Variants in RAB31 observed in about 807,000 individuals in gnomAD.
RAB31 encodes ras-related protein Rab-31.
A neutral mutation model predicts 25.6 loss-of-function variants in RAB31; 21 were observed. The observed-to-expected ratio is 0.82, with a 90% CI of 0.58 to 1.18. The LOEUF (loss-of-function observed/expected upper bound fraction) is 1.18, where lower values mean the gene tolerates loss of function less well. Ranked by LOEUF, RAB31 falls within the 50% of genes most tolerant of loss-of-function variation. RAB31 has a pLI of 0.00. For missense variants in RAB31, 196 were observed against 250.1 expected (o/e 0.78, Z 1.46); for synonymous variants, 87 against 84.0 (o/e 1.04, Z -0.20).
chr18:9,729,521 C>T (rs929357892), intron 1 of RAB31, among the ~76,000 whole-genome samples: 5 of 139,240 alleles, frequency 3.6e-5, no homozygotes, highest in East Asian at 2.1e-4. Context: ...AGTGAGACTC[C>T]GTCTCAAAAA....
intron 1 of RAB31, among the ~76,000 whole-genome samples, chr18:9,744,283 C>T (rs1246116697): frequency 6.6e-6 from 1 of 152,194 alleles, no homozygotes; most frequent in African/African-American, 2.4e-5. Flanking sequence ...TGCAAAATAA[C>T]TATTGCCTGT....
chr18:9,763,601 T>C (rs2068299695), intron 1 of RAB31, among the ~76,000 whole-genome samples: 1 of 11,996 alleles, frequency 8.3e-5, no homozygotes, highest in East Asian at 6.3e-4. Flanking sequence ...AGAAAAAAAT[T>C]ATATATATAT....
At chr18:9,843,565 A>C (rs1389880765) in intron 5 of RAB31, among the ~76,000 whole-genome samples, 1 of 136,488 alleles carries the variant, frequency 7.3e-6, no homozygotes, top group African/African-American at 2.7e-5. Context: ...AAAAAAAAAA[A>C]CTTCAGGAGG....
intron 3 of RAB31, among the ~76,000 whole-genome samples, chr18:9,812,590 T>G (rs1001427620): frequency 9.2e-5 from 14 of 152,184 alleles, no homozygotes; most frequent in Admixed American, 4.6e-4. Context: ...TTGTTGGCAA[T>G]GTATATGTCT....
chr18:9,723,214 A>T (rs190240030), intron 1 of RAB31, among the ~76,000 whole-genome samples: 97 of 152,038 alleles, frequency 6.4e-4, no homozygotes, highest in African/African-American at 2.1e-3. Context: ...TGCCCGGCTA[A>T]TTTTTGTGTT....
chr18:9,779,412 G>A (rs892870899), intron 2 of RAB31, among the ~76,000 whole-genome samples: 3 of 152,096 alleles, frequency 2.0e-5, no homozygotes, highest in East Asian at 1.9e-4. Flanking sequence ...TGGACATGCA[G>A]GTATACAAGC....
intron 1 of RAB31, among the ~76,000 whole-genome samples, chr18:9,759,973 G>A (rs542178000): frequency 1.3e-5 from 2 of 152,246 alleles, no homozygotes; most frequent in South Asian, 4.1e-4. Flanking sequence ...ACGTTCTCGG[G>A]AAGTGTGAGG....
At chr18:9,803,013 T>C (rs1178810264) in intron 3 of RAB31, among the ~76,000 whole-genome samples, 1 of 152,180 alleles carries the variant, frequency 6.6e-6, no homozygotes, top group Non-Finnish European at 1.5e-5. Flanking sequence ...AATGAGCAGC[T>C]CCTTTCTTTC....
At chr18:9,817,634 G>A (rs946540256) in intron 5 of RAB31, among the ~76,000 whole-genome samples, 2 of 152,088 alleles carry the variant, frequency 1.3e-5, no homozygotes, top group African/African-American at 4.8e-5. Flanking sequence ...TCTTGAAGAG[G>A]GACAGTTCCT....
intron 5 of RAB31, among the ~76,000 whole-genome samples, chr18:9,822,908 C>T (rs933109905): frequency 2.0e-5 from 3 of 152,144 alleles, no homozygotes; most frequent in Non-Finnish European, 2.9e-5. Context: ...ATCACATTCA[C>T]GGGCATTTAT....
intron 1 of RAB31, among the ~76,000 whole-genome samples, chr18:9,715,414 CT>C (rs35636275): frequency 0.051 from 7,312 of 144,200 alleles, 195 homozygotes; most frequent in African/African-American, 0.076. Flanking sequence ...CCTTTGCCCC[CT>C]TTTTTTTTTT....
At chr18:9,769,073 T>C (rs2068330963) in intron 1 of RAB31, among the ~76,000 whole-genome samples, 1 of 152,208 alleles carries the variant, frequency 6.6e-6, no homozygotes, top group African/African-American at 2.4e-5. Flanking sequence ...TTCATACCAG[T>C]ACCATGCTGT....
intron 2 of RAB31, among the ~76,000 whole-genome samples, chr18:9,788,892 C>A (rs542554784): frequency 1.6e-4 from 24 of 152,264 alleles, no homozygotes; most frequent in Middle Eastern, 6.8e-3. Context: ...ATCGCATGAA[C>A]CTGGGATATA....
At chr18:9,748,812 A>G (rs534869673) in intron 1 of RAB31, among the ~76,000 whole-genome samples, 16 of 150,230 alleles carry the variant, frequency 1.1e-4, no homozygotes, top group Admixed American at 1.0e-3. Flanking sequence ...AATCACTTGA[A>G]CCCGGGAGGT....
Position 9,775,369 on chromosome 18 carries a change from T to C in RAB31, c.119+12T>C, listed in dbSNP as rs1313974394. ...AGCCCTACTATTGGGTAAGTTCCTG[T>C]ATGTCATTCTCCTTCGCGTTGCTTC... On this transcript the variant is annotated intron_variant, in intron 2 of 6. Coordinates refer to ENST00000578921, the MANE Select transcript of RAB31 (RefSeq NM_006868.4). 9 of 1,613,584 alleles carry C rather than the reference T, an allele frequency of 5.6e-6. No homozygotes were observed. The South Asian group carries it at 9.9e-5, about 18-fold the overall frequency.
At chr18:9,716,933 T>TCTTTCTTTCTTTCTTTCTTTCTTTC (rs1555682999) in intron 1 of RAB31, among the ~76,000 whole-genome samples, 557 of 141,126 alleles carry the variant, frequency 3.9e-3, no homozygotes, top group African/African-American at 4.2e-3. Context: ...TTTCTTTCTT[T>TCTTTCTTTCTTTCTTTCTTTCTTTC]TTTTTTTGGT....
chr18:9,720,670 T>C (rs531911585), intron 1 of RAB31, among the ~76,000 whole-genome samples: 6 of 146,964 alleles, frequency 4.1e-5, no homozygotes, highest in Admixed American at 4.0e-4. Context: ...ATAAGTAATT[T>C]TCTCTTTTTT....
chr18:9,797,104 C>T (rs1199027191), intron 3 of RAB31, among the ~76,000 whole-genome samples: 1 of 152,224 alleles, frequency 6.6e-6, no homozygotes, highest in East Asian at 1.9e-4. Context: ...CTCTTTAACT[C>T]CATCAGCTGT....
chr18:9,733,566 G>A (rs745373112), intron 1 of RAB31, among the ~76,000 whole-genome samples: 14 of 152,170 alleles, frequency 9.2e-5, no homozygotes, highest in Non-Finnish European at 1.8e-4. Context: ...ATTCTCATTC[G>A]TATTCTGTGC....
Sources: allele counts gnomAD v4.1 joint callset (sites outside exome capture counted in the v4.1 genomes callset), GRCh38; gene constraint gnomAD v4.1.1; transcripts MANE v1.5; gene names NCBI Gene and HGNC (gene_info 2026-07-23, HGNC 2026-07-21).